The following MAP4K4 variants were observed in gnomAD, a reference collection of about 807,000 sequenced individuals.
MAP4K4 encodes HPK/GCK-like kinase HGK.
A neutral mutation model predicts 189.6 loss-of-function variants in MAP4K4; 38 were observed. The ratio of observed to expected loss-of-function variants is 0.20; its 90% confidence interval spans 0.15 to 0.26. The LOEUF is 0.26. Among genes scored for constraint, MAP4K4 ranks in the 10% least tolerant of loss-of-function variants. The pLI is 1.00. For missense variants in MAP4K4, 1,054 were observed against 1,726.9 expected (o/e 0.61, Z 6.91); for synonymous variants, 610 against 624.3 (o/e 0.98, Z 0.34).
At chr2:101,725,031 A>T (rs1318784229) in intron 2 of MAP4K4, among the ~76,000 whole-genome samples, 2 of 152,228 alleles carry the variant, frequency 1.3e-5, no homozygotes, top group Admixed American at 1.3e-4. Context: ...GCCTTGGTGT[A>T]GAGTAGGCCA....
At chr2:101,760,530 ATGTGTGTGTG>A (rs34293909) in intron 2 of MAP4K4, among the ~76,000 whole-genome samples, 8 of 138,692 alleles carry the variant, frequency 5.8e-5, no homozygotes, top group East Asian at 2.0e-4. Flanking sequence ...ATATGTATAT[ATGTGTGTGTG>A]TGTGTGTGTG....
chr2:101,816,510 A>G (rs1303899938), intron 3 of MAP4K4, among the ~76,000 whole-genome samples: 2 of 152,100 alleles, frequency 1.3e-5, no homozygotes, highest in African/African-American at 2.4e-5. Context: ...CCCTTGTGTT[A>G]TGGGAAGCTT....
chr2:101,855,758 A>G (rs1284372402), intron 12 of MAP4K4, among the ~76,000 whole-genome samples: 4 of 152,146 alleles, frequency 2.6e-5, no homozygotes, highest in South Asian at 2.1e-4. Context: ...ACTAAACCCT[A>G]TAAGGATTCA....
chr2:101,723,316 A>G (rs1251576164), intron 2 of MAP4K4, among the ~76,000 whole-genome samples: 1 of 152,252 alleles, frequency 6.6e-6, no homozygotes, highest in Non-Finnish European at 1.5e-5. Context: ...ATCTCACTGT[A>G]TAAACTAATA....
chr2:101,720,868 A>T (rs965725002), intron 2 of MAP4K4, among the ~76,000 whole-genome samples: 1 of 152,258 alleles, frequency 6.6e-6, no homozygotes, highest in African/African-American at 2.4e-5. Flanking sequence ...GTTTAGGCAT[A>T]GTTGATCACA....
At chr2:101,832,980 G>A (rs2096632785) in intron 7 of MAP4K4, among the ~76,000 whole-genome samples, 1 of 152,192 alleles carries the variant, frequency 6.6e-6, no homozygotes, top group South Asian at 2.1e-4. Context: ...CTGGGGAGGT[G>A]GAGGTAGAGG....
intron 18 of MAP4K4, 83 bp from the exon 19 acceptor site, chr2:101,866,345 G>T: frequency 7.5e-7 from 1 of 1,342,124 alleles, no homozygotes; most frequent in South Asian, 1.4e-5. Context: ...GACATTGGAT[G>T]GGCACACCAT....
intron 2 of MAP4K4, among the ~76,000 whole-genome samples, chr2:101,699,714 C>T (rs1467683525): frequency 6.6e-6 from 1 of 152,194 alleles, no homozygotes; most frequent in Non-Finnish European, 1.5e-5. Flanking sequence ...GAACGCCTCT[C>T]CTTAGCCTAG....
rs775540927 is a variant in MAP4K4, at chr2:101,831,862, C to T, written c.639+11C>T. ...ACCTATGATTACAGAGTAAGAGGCA[C>T]CTGCTCCGTAGGCCTTTGCAGGGCC... On this transcript the variant is annotated intron_variant, in intron 7 of 32. Transcript: ENST00000324219. 3 of 1,612,238 alleles carry T rather than the reference C, an allele frequency of 1.9e-6. No individual in the cohort carries two copies. Among genetic ancestry groups the T allele is most frequent in the Non-Finnish European group, 2.5e-6 (3 of 1,179,272 alleles).
At chr2:101,760,026 T>C (rs1463823342) in intron 2 of MAP4K4, among the ~76,000 whole-genome samples, 1 of 151,798 alleles carries the variant, frequency 6.6e-6, no homozygotes, top group Admixed American at 6.6e-5. Flanking sequence ...TGTATTTTTT[T>C]GTAGAGATGG....
intron 3 of MAP4K4, among the ~76,000 whole-genome samples, chr2:101,803,245 A>ATGTGAG (rs2094542655): frequency 6.7e-6 from 1 of 150,244 alleles, no homozygotes; most frequent in South Asian, 2.1e-4. Flanking sequence ...GATGATGATG[A>ATGTGAG]TGTGTGTGTG....
chr2:101,887,782 A>G, exon 31 of MAP4K4: 1 of 1,607,320 alleles, frequency 6.2e-7, no homozygotes, highest in Non-Finnish European at 8.5e-7. Flanking sequence ...CTCTAGATCC[A>G]GTGTAGCATC....
chr2:101,785,330 G>A (rs1431956994), intron 2 of MAP4K4, among the ~76,000 whole-genome samples: 1 of 152,222 alleles, frequency 6.6e-6, no homozygotes, highest in African/African-American at 2.4e-5. Context: ...TAAGATGTGA[G>A]GTGGTGGCAC....
chr2:101,838,509 G>T (rs2096829042), intron 9 of MAP4K4, among the ~76,000 whole-genome samples: 1 of 152,058 alleles, frequency 6.6e-6, no homozygotes, highest in Admixed American at 6.5e-5. Flanking sequence ...CCCTACTTTT[G>T]TTCATATCAT....
chr2:101,774,540 A>G (rs1443786894), intron 2 of MAP4K4, among the ~76,000 whole-genome samples: 1 of 152,160 alleles, frequency 6.6e-6, no homozygotes, highest in Admixed American at 6.5e-5. Context: ...TTGTTACATT[A>G]GCAGTGCAAG....
At chr2:101,782,954 G>A (rs996605038) in intron 2 of MAP4K4, among the ~76,000 whole-genome samples, 1 of 152,132 alleles carries the variant, frequency 6.6e-6, no homozygotes, top group African/African-American at 2.4e-5. Flanking sequence ...TTTTGTGGTT[G>A]GATATGGAAA....
At chr2:101,882,685 G>T in exon 28 of MAP4K4, 2 of 1,576,404 alleles carry the variant, frequency 1.3e-6, no homozygotes, top group South Asian at 2.4e-5. Context: ...TTATAAAGTT[G>T]GTAAGTTCTA....
At chr2:101,700,768 A>G (rs1372136333) in intron 2 of MAP4K4, among the ~76,000 whole-genome samples, 2 of 148,816 alleles carry the variant, frequency 1.3e-5, no homozygotes, top group African/African-American at 4.9e-5. Flanking sequence ...TGTCTCATAC[A>G]TCAGTAAAAT....
chr2:101,731,585 C>T (rs2058518800), intron 2 of MAP4K4, among the ~76,000 whole-genome samples: 1 of 151,746 alleles, frequency 6.6e-6, no homozygotes, highest in South Asian at 2.1e-4. Context: ...ATGATGAAAC[C>T]CCATCTCTAA....
Sources: allele counts gnomAD v4.1 joint callset (sites outside exome capture counted in the v4.1 genomes callset), GRCh38; gene constraint gnomAD v4.1.1; transcripts MANE v1.5; gene names NCBI Gene and HGNC (gene_info 2026-07-23, HGNC 2026-07-21).